The following TMEM132B variants were observed in gnomAD, a reference collection of about 807,000 sequenced individuals.
The protein encoded by TMEM132B is transmembrane protein 132B.
Under a neutral mutation model 90.8 loss-of-function variants are expected in TMEM132B, and 18 were observed. The observed-to-expected ratio is 0.20, with a 90% CI of 0.14 to 0.29. The LOEUF is 0.29. Among genes scored for constraint, TMEM132B ranks in the 10% least tolerant of loss-of-function variants. TMEM132B has a pLI of 1.00. For missense variants in TMEM132B, 1,096 were observed against 1,326.8 expected, an observed-to-expected ratio of 0.83 and a Z score of 2.70; for synonymous variants, 504 against 523.3, an observed-to-expected ratio of 0.96 and a Z score of 0.50.
intron 3 of TMEM132B, among the ~76,000 whole-genome samples, chr12:125,461,824 G>C (rs1172118379): frequency 1.3e-5 from 2 of 152,170 alleles, no homozygotes; most frequent in Non-Finnish European, 2.9e-5. Context: ...TTCTTCCTTT[G>C]CATCCCGCTG....
At chr12:125,634,059 G>A (rs1886426208) in intron 5 of TMEM132B, among the ~76,000 whole-genome samples, 1 of 152,206 alleles carries the variant, frequency 6.6e-6, no homozygotes, top group South Asian at 2.1e-4. Context: ...GGTGCTGTCT[G>A]GGAGCCAGGG....
chr12:125,326,438 T>A, intron 1 of TMEM132B: 1 of 687,558 alleles, frequency 1.5e-6, no homozygotes, highest in Non-Finnish European at 2.5e-6. Flanking sequence ...TTGACCTGTT[T>A]CCAATGAAGA....
chr12:125,201,277 G>C (rs550757968), intron 1 of TMEM132B, among the ~76,000 whole-genome samples: 1 of 152,144 alleles, frequency 6.6e-6, no homozygotes, highest in Non-Finnish European at 1.5e-5. Context: ...TGATCAATTT[G>C]CCTGTCATCT....
intron 1 of TMEM132B, among the ~76,000 whole-genome samples, chr12:125,330,764 G>A (rs1197595161): frequency 3.9e-5 from 6 of 152,216 alleles, no homozygotes; most frequent in African/African-American, 1.2e-4. Context: ...GCTCATGCCT[G>A]CAATTCCAAC....
At chr12:125,288,903 G>T in intron 1 of TMEM132B, among the ~76,000 whole-genome samples, 1 of 152,186 alleles carries the variant, frequency 6.6e-6, no homozygotes, top group East Asian at 1.9e-4. Context: ...TTTACCCCAG[G>T]CTGCTGATGG....
At chr12:125,548,815 T>C (rs898833210) in intron 4 of TMEM132B, among the ~76,000 whole-genome samples, 8 of 152,064 alleles carry the variant, frequency 5.3e-5, no homozygotes, top group African/African-American at 1.9e-4. Flanking sequence ...AGGGTTACGA[T>C]TGGAGGTTAT....
chr12:125,323,661 G>A (rs2136193030), intron 1 of TMEM132B, among the ~76,000 whole-genome samples: 1 of 152,224 alleles, frequency 6.6e-6, no homozygotes, highest in African/African-American at 2.4e-5. Context: ...TGGGATTACA[G>A]GTGCACACCA....
intron 3 of TMEM132B, among the ~76,000 whole-genome samples, chr12:125,488,844 T>A (rs1362670733): frequency 6.6e-6 from 1 of 152,212 alleles, no homozygotes; most frequent in Non-Finnish European, 1.5e-5. Context: ...GACTGTGGTT[T>A]TCAGCCACTG....
intron 1 of TMEM132B, among the ~76,000 whole-genome samples, chr12:125,190,962 GTGGTGGTGGTGATGGTGA>G (rs1872770111): frequency 2.1e-5 from 1 of 48,342 alleles, no homozygotes; most frequent in Admixed American, 2.0e-4. Context: ...TGGGGAAGGG[GTGGTGGTGGTGATGGTGA>G]TGGTGATGGG....
At chr12:125,227,107 T>A (rs11058080) in intron 1 of TMEM132B, among the ~76,000 whole-genome samples, 5,466 of 151,896 alleles carry the variant, frequency 0.036, 128 homozygotes, top group Non-Finnish European at 0.049. Context: ...TTGGGGTGGG[T>A]TCACTCCAAA....
At chr12:125,405,777 A>G (rs1444893139) in intron 2 of TMEM132B, among the ~76,000 whole-genome samples, 1 of 152,256 alleles carries the variant, frequency 6.6e-6, no homozygotes, top group African/African-American at 2.4e-5. Flanking sequence ...AGGATTAAAT[A>G]TGTTGATACA....
chr12:125,496,062 G>A (rs1480138205), intron 3 of TMEM132B, among the ~76,000 whole-genome samples: 3 of 152,168 alleles, frequency 2.0e-5, no homozygotes, highest in Non-Finnish European at 2.9e-5. Flanking sequence ...TCCTGGAATC[G>A]CATTGTCATC....
intron 1 of TMEM132B, among the ~76,000 whole-genome samples, chr12:125,300,040 C>T (rs750370443): frequency 6.6e-6 from 1 of 152,248 alleles, no homozygotes; most frequent in Non-Finnish European, 1.5e-5. Flanking sequence ...CCTGCGTGGG[C>T]CGCCACGGGG....
At chr12:125,431,851 G>A (rs1033575569) in intron 3 of TMEM132B, among the ~76,000 whole-genome samples, 3 of 152,120 alleles carry the variant, frequency 2.0e-5, no homozygotes, top group African/African-American at 7.2e-5. Context: ...GACAGCCATT[G>A]GTCATGGGAT....
chr12:125,262,527 C>T (rs1874591439), intron 1 of TMEM132B, among the ~76,000 whole-genome samples: 1 of 152,146 alleles, frequency 6.6e-6, no homozygotes, highest in Non-Finnish European at 1.5e-5. Context: ...GAGTGTGTGC[C>T]CCCTTTAGTT....
chr12:125,388,702 T>G (rs1418747916), intron 2 of TMEM132B, among the ~76,000 whole-genome samples: 1 of 152,164 alleles, frequency 6.6e-6, no homozygotes, highest in Non-Finnish European at 1.5e-5. Context: ...TCCAGAACAG[T>G]GTTCCAGGCA....
intron 5 of TMEM132B, among the ~76,000 whole-genome samples, chr12:125,638,430 G>A (rs748642311): frequency 5.3e-5 from 8 of 152,168 alleles, no homozygotes; most frequent in South Asian, 2.1e-4. Context: ...TACCTACTGC[G>A]CCTCAGACAC....
chr12:125,608,522 C>A (rs867012840), intron 5 of TMEM132B, among the ~76,000 whole-genome samples: 18 of 151,990 alleles, frequency 1.2e-4, no homozygotes, highest in African/African-American at 4.4e-4. Flanking sequence ...CGTGGGTTGT[C>A]CTTTCATTTT....
At chr12:125,279,979 A>G (rs776670747) in intron 1 of TMEM132B, among the ~76,000 whole-genome samples, 1 of 152,210 alleles carries the variant, frequency 6.6e-6, no homozygotes, top group Non-Finnish European at 1.5e-5. Context: ...TCTCACAACC[A>G]TCCTTAGAGG....
Sources: allele counts gnomAD v4.1 joint callset (sites outside exome capture counted in the v4.1 genomes callset), GRCh38; gene constraint gnomAD v4.1.1; transcripts MANE v1.5; gene names NCBI Gene and HGNC (gene_info 2026-07-23, HGNC 2026-07-21).